Variants in CFDP1 observed in about 807,000 individuals in gnomAD.
CFDP1 encodes heterochromatin-stabilizing protein CFDP1.
A neutral mutation model predicts 40.1 loss-of-function variants in CFDP1; 31 were observed. That is an observed-to-expected ratio of 0.77 (90% CI 0.58 to 1.04). CFDP1 has a LOEUF of 1.04. Among genes scored for constraint, CFDP1 ranks in the 50% least tolerant of loss-of-function variants. The pLI, the probability that CFDP1 is intolerant of heterozygous loss-of-function variation, is 0.00. For missense variants in CFDP1, 423 were observed against 343.4 expected (o/e 1.23, Z -1.83); for synonymous variants, 167 against 120.0 (o/e 1.39, Z -2.56).
At chr16:75,338,945 C>T (rs376820079) in intron 5 of CFDP1, among the ~76,000 whole-genome samples, 2 of 152,142 alleles carry the variant, frequency 1.3e-5, no homozygotes, top group South Asian at 2.1e-4. Flanking sequence ...TCTCTCTGGA[C>T]GCTTCCATTA....
chr16:75,306,880 C>CACAT (rs1382538953), intron 5 of CFDP1, among the ~76,000 whole-genome samples: 277 of 132,548 alleles, frequency 2.1e-3, no homozygotes, highest in African/African-American at 8.0e-3. Flanking sequence ...CGCGTGATCA[C>CACAT]ACACACACAC....
chr16:75,387,404 G>A (rs544645593), intron 5 of CFDP1, among the ~76,000 whole-genome samples: 2 of 152,336 alleles, frequency 1.3e-5, no homozygotes, highest in South Asian at 2.1e-4. Context: ...GCCTCCCAAA[G>A]TGCTGGGATT....
At chr16:75,362,030 C>T (rs982993039) in intron 5 of CFDP1, among the ~76,000 whole-genome samples, 3 of 152,080 alleles carry the variant, frequency 2.0e-5, no homozygotes, top group African/African-American at 7.2e-5. Context: ...TCAGAAAAAC[C>T]CAAGAATTCA....
intron 5 of CFDP1, among the ~76,000 whole-genome samples, chr16:75,374,808 TA>T (rs1678413944): frequency 6.6e-6 from 1 of 152,200 alleles, no homozygotes; most frequent in African/African-American, 2.4e-5. Context: ...GGAACTGAAA[TA>T]AAAATTGACT....
chr16:75,383,297 A>G (rs1597370342), intron 5 of CFDP1, among the ~76,000 whole-genome samples: 1 of 152,328 alleles, frequency 6.6e-6, no homozygotes, highest in East Asian at 1.9e-4. Flanking sequence ...AAATTCCTCA[A>G]TCCAAATTAA....
Position 75,335,705 on chromosome 16 carries a change from C to T in CFDP1, c.651-30523G>A, listed in dbSNP as rs185247028. Among the ~76,000 whole-genome samples the T allele has an allele frequency of 1.3e-3, 200 of 152,106 alleles. 5 individuals carry two copies. In the East Asian group the frequency reaches 0.027, roughly 21 times the overall value. On this transcript the variant is annotated intron_variant, in intron 5 of 6. Coordinates refer to ENST00000283882, the MANE Select transcript of CFDP1 (RefSeq NM_006324.3). ...CCGAGTAGCTGGGACTACAGGCGCC[C>T]GCCACCATGCCCGGATAATTTTTTG...
At chr16:75,380,442 G>A (rs2078843291) in intron 5 of CFDP1, among the ~76,000 whole-genome samples, 1 of 152,162 alleles carries the variant, frequency 6.6e-6, no homozygotes, top group East Asian at 1.9e-4. Flanking sequence ...CTTCCAGTCG[G>A]GGTTTTATTT....
chr16:75,349,698 T>TATACATACAC lies in CFDP1; in HGVS notation c.651-44517_651-44516insGTGTATGTAT, dbSNP rs146824267. ...AAAAAAAAAAAAAAAAAAATATATA[T>TATACATACAC]ACATACATATATACGGTTGATTTTT... On this transcript the variant is annotated intron_variant, in intron 5 of 6. Transcript: ENST00000283882. Among the ~76,000 whole-genome samples the TATACATACAC allele has an allele frequency of 4.2e-5, 2 of 47,896 alleles. 1 individual carries two copies. Among genetic ancestry groups the TATACATACAC allele is most frequent in the African/African-American group, 2.2e-4 (2 of 9,158 alleles). 31.4% of individuals were successfully genotyped at this position (47,896 alleles called of 152,430 possible).
intron 5 of CFDP1, among the ~76,000 whole-genome samples, chr16:75,360,451 G>A (rs191235322): frequency 1.7e-4 from 26 of 152,276 alleles, no homozygotes; most frequent in South Asian, 1.7e-3. Flanking sequence ...GAAGGAAACC[G>A]AAACAAAACT....
chr16:75,330,074 A>C (rs2078434132), intron 5 of CFDP1, among the ~76,000 whole-genome samples: 1 of 152,234 alleles, frequency 6.6e-6, no homozygotes, highest in Admixed American at 6.5e-5. Flanking sequence ...CAAGATTCTC[A>C]GGGAACAGAG....
intron 5 of CFDP1, among the ~76,000 whole-genome samples, chr16:75,322,229 T>A (rs572728960): frequency 2.2e-4 from 34 of 152,366 alleles, no homozygotes; most frequent in Admixed American, 1.6e-3. Flanking sequence ...ATCTGGGCAT[T>A]GCTTGTAAAG....
At chr16:75,366,021 T>G (rs2078711436) in intron 5 of CFDP1, among the ~76,000 whole-genome samples, 1 of 152,146 alleles carries the variant, frequency 6.6e-6, no homozygotes, top group South Asian at 2.1e-4. Flanking sequence ...GCCAGCATAT[T>G]TCACTCCTAG....
chr16:75,402,962 CA>C (rs2079068107), intron 4 of CFDP1, among the ~76,000 whole-genome samples: 1 of 151,928 alleles, frequency 6.6e-6, no homozygotes. Flanking sequence ...AAGCATGTAT[CA>C]TTTTGAAATA....
At chr16:75,427,089 A>G (rs2079350758) in intron 1 of CFDP1, among the ~76,000 whole-genome samples, 3 of 151,822 alleles carry the variant, frequency 2.0e-5, no homozygotes, top group Admixed American at 6.6e-5. Flanking sequence ...ACAAAGGACT[A>G]TATCCAGAAT....
chr16:75,345,151 C>A (rs2078553469), intron 5 of CFDP1, among the ~76,000 whole-genome samples: 1 of 151,710 alleles, frequency 6.6e-6, no homozygotes. Flanking sequence ...CAAAGCAAGA[C>A]CCCATCACTA....
chr16:75,300,974 A>T (rs1170818249), intron 6 of CFDP1, among the ~76,000 whole-genome samples: 1 of 152,136 alleles, frequency 6.6e-6, no homozygotes, highest in Non-Finnish European at 1.5e-5. Flanking sequence ...TCTACTTCCC[A>T]CCGCTGTGGA....
chr16:75,359,639 C>G (rs1379356318), intron 5 of CFDP1, among the ~76,000 whole-genome samples: 2 of 152,200 alleles, frequency 1.3e-5, no homozygotes, highest in Non-Finnish European at 1.5e-5. Context: ...ATTGCCCTAA[C>G]CATGATCACC....
At chr16:75,407,968 G>A (rs572947157) in intron 4 of CFDP1, among the ~76,000 whole-genome samples, 4 of 152,162 alleles carry the variant, frequency 2.6e-5, no homozygotes, top group Non-Finnish European at 4.4e-5. Context: ...TTAGCCAAGC[G>A]TGGTGTATGC....
At chr16:75,384,710 G>A (rs1165135862) in intron 5 of CFDP1, among the ~76,000 whole-genome samples, 3 of 151,742 alleles carry the variant, frequency 2.0e-5, no homozygotes, top group East Asian at 1.9e-4. Flanking sequence ...TCATCAATAA[G>A]AGAAGGTGCA....
Sources: gnomAD v4.1 joint callset for allele counts (sites outside exome capture counted in the v4.1 genomes callset) on GRCh38, gnomAD v4.1.1 for gene constraint, MANE v1.5 for transcripts, NCBI Gene and HGNC (gene_info 2026-07-23, HGNC 2026-07-21) for gene names.